Variants in VAPB observed in about 807,000 individuals in gnomAD.
VAPB encodes the protein VAMP associated protein B and C, also known as vesicle-associated membrane protein-associated protein B/C.
A neutral mutation model predicts 25.6 loss-of-function variants in VAPB; 7 were observed. The ratio of observed to expected loss-of-function variants is 0.27; its 90% CI spans 0.16 to 0.51. VAPB has a LOEUF of 0.51. Ranked by LOEUF, VAPB falls within the 20% of genes least tolerant of loss-of-function variation. The pLI, the probability that VAPB is intolerant of heterozygous loss-of-function variation, is 0.97. For synonymous variants in VAPB, 112 were observed against 109.2 expected (o/e 1.03, Z -0.16); for missense variants, 266 against 301.3 (o/e 0.88, Z 0.87).
At chr20:58,432,613 A>C (rs145745287) in intron 2 of VAPB, among the ~76,000 whole-genome samples, 16 of 152,364 alleles carry the variant, frequency 1.1e-4, no homozygotes, top group African/African-American at 3.8e-4. Context: ...TCCCAGCTCC[A>C]AAGAAGGTTG....
chr20:58,416,991 G>C (rs1047628062), intron 1 of VAPB, among the ~76,000 whole-genome samples: 26 of 152,156 alleles, frequency 1.7e-4, no homozygotes, highest in Admixed American at 1.6e-3. Flanking sequence ...ACACACATTT[G>C]AATGATTTTG....
chr20:58,436,174 A>G (rs1230165494), intron 3 of VAPB, among the ~76,000 whole-genome samples: 1 of 152,126 alleles, frequency 6.6e-6, no homozygotes, highest in Non-Finnish European at 1.5e-5. Context: ...AGTTCCTTGT[A>G]TGATGATATA....
At chr20:58,414,372 C>A (rs939174613) in intron 1 of VAPB, among the ~76,000 whole-genome samples, 1 of 151,358 alleles carries the variant, frequency 6.6e-6, no homozygotes, top group African/African-American at 2.4e-5. Context: ...GGCGGAGACG[C>A]CCCCCACCTC....
chr20:58,437,941 C>T (rs1989084255), intron 3 of VAPB, among the ~76,000 whole-genome samples: 1 of 152,140 alleles, frequency 6.6e-6, no homozygotes, highest in Non-Finnish European at 1.5e-5. Context: ...GTGGGGGTGC[C>T]TTCTTTTTCT....
rs1345920201 is a variant in VAPB at position 58,451,013 on chromosome 20, G to A, written c.*6778G>A. On this transcript the variant is annotated 3_prime_UTR_variant, in exon 6 of 6. Coordinates refer to ENST00000475243, the MANE Select transcript of VAPB (RefSeq NM_004738.5). ...TTCTCCCATGTTCCATTATCAGCCT[G>A]ATGAAACCTGCCCTGCCAAGGCATA... 5 of 451,590 alleles carry A rather than the reference G, an allele frequency of 1.1e-5. No individual in the cohort carries two copies. The highest frequency in any genetic ancestry group is 7.8e-5 in the South Asian group (5 of 64,122). 28.0% of individuals were successfully genotyped at this position (451,590 alleles called of 1,614,324 possible). A position where few individuals can be genotyped will look rare whatever the true frequency, so the allele number is the denominator to read the frequency against.
chr20:58,408,746 T>C (rs771866025), intron 1 of VAPB, among the ~76,000 whole-genome samples: 2 of 152,148 alleles, frequency 1.3e-5, no homozygotes, highest in Non-Finnish European at 2.9e-5. Flanking sequence ...ATCCGGGTTT[T>C]GAAGTAGGTG....
At position 58,398,014 on chromosome 20, in the gene VAPB, G is replaced by GAGTTA. The variant is rs1227539015; in HGVS notation, c.58+8498_58+8502dup. 1.7e-4 allele frequency among the ~76,000 whole-genome samples: 26 copies of GAGTTA among 152,290 alleles called. 1 individual carries two copies. The highest frequency in any genetic ancestry group is 1.6e-3 in the Admixed American group (25 of 15,300). ...TACAGATGTTCCTCACCTTACAGCG[G>GAGTTA]AGTTACATCCTCAGAAACCCATTGT... On this transcript the variant is annotated intron_variant, in intron 1 of 5. Coordinates refer to ENST00000475243, the MANE Select transcript of VAPB (RefSeq NM_004738.5).
At chr20:58,434,542 A>T (rs1403068398) in intron 2 of VAPB, 60 bp from the exon 3 acceptor site, 1 of 852,594 alleles carries the variant, frequency 1.2e-6, no homozygotes, top group Admixed American at 1.7e-5. Context: ...AAGTATTAGC[A>T]TAATAAATGG....
intron 2 of VAPB, among the ~76,000 whole-genome samples, chr20:58,427,945 ATTATGATGCAGGCG>A (rs1988842305): frequency 2.7e-5 from 4 of 149,076 alleles, no homozygotes; most frequent in Non-Finnish European, 4.5e-5. Flanking sequence ...ATCTGTTACC[ATTATGATGCAGGCG>A]AAAGTGATCT....
At chr20:58,418,546 C>T (rs1370220507) in intron 2 of VAPB, among the ~76,000 whole-genome samples, 183 bp downstream of exon 2, 3 of 147,134 alleles carry the variant, frequency 2.0e-5, no homozygotes, top group Non-Finnish European at 3.0e-5. Context: ...GGGTCCCAGT[C>T]GCCTGTTTTT....
chr20:58,423,926 C>G (rs984057004), intron 2 of VAPB, among the ~76,000 whole-genome samples: 1 of 152,094 alleles, frequency 6.6e-6, no homozygotes, highest in Admixed American at 6.5e-5. Flanking sequence ...AGAAAATTAC[C>G]AACAAAAATT....
At chr20:58,405,135 G>C (rs940919980) in intron 1 of VAPB, among the ~76,000 whole-genome samples, 2 of 152,240 alleles carry the variant, frequency 1.3e-5, no homozygotes, top group African/African-American at 4.8e-5. Flanking sequence ...AATTAGGGAA[G>C]GTCATTTAAG....
rs1989377680 is a variant in VAPB, at chr20:58,449,329, A to G, written c.*5094A>G. On this transcript the variant is annotated 3_prime_UTR_variant, in exon 6 of 6. Coordinates refer to ENST00000475243, the MANE Select transcript of VAPB (RefSeq NM_004738.5). Reference sequence around the variant, plus strand: ...GGGGCTTTTTATTTTCATTACAGAGATATTTTGAAAAATTTAAAAGACATG... The same window carrying G: ...GGGGCTTTTTATTTTCATTACAGAGGTATTTTGAAAAATTTAAAAGACATG... The G allele has an allele frequency of 2.2e-6, 1 of 449,900 alleles. No homozygotes were observed. Among genetic ancestry groups the G allele is most frequent in the Non-Finnish European group, 4.4e-6 (1 of 225,820 alleles). The allele number at this position is 449,900 out of a possible 1,614,324, so 27.9% of individuals were successfully genotyped here.
In VAPB at chr20:58,447,519, C is replaced by T. The variant is rs1437783734; in HGVS notation, c.*3284C>T. ...CCGTGAAAACCTAAACGCTTTCAAA[C>T]AAATCCCAGGAACAGAATTGCTATC... On this transcript the variant is annotated 3_prime_UTR_variant, in exon 6 of 6. Coordinates refer to ENST00000475243, the MANE Select transcript of VAPB (RefSeq NM_004738.5). 1 of 454,114 alleles carries T rather than the reference C, an allele frequency of 2.2e-6. No homozygotes were observed. The allele number at this position is 454,114 out of a possible 1,614,324, so 28.1% of individuals were successfully genotyped here.
intron 1 of VAPB, among the ~76,000 whole-genome samples, chr20:58,401,573 C>T (rs114219927): frequency 1.3e-3 from 199 of 152,208 alleles, no homozygotes; most frequent in African/African-American, 4.6e-3. Flanking sequence ...TTTCTTCCGC[C>T]CATGTGGCCA....
chr20:58,392,594 G>A (rs919299866), intron 1 of VAPB, among the ~76,000 whole-genome samples: 1 of 152,206 alleles, frequency 6.6e-6, no homozygotes, highest in Non-Finnish European at 1.5e-5. Flanking sequence ...ATGAGAAATG[G>A]CACATTTAAC....
Position 58,389,345 on chromosome 20 carries a change from GC to G in VAPB, c.-111del. ...CACCCGGTAGAGGACCCCCGCCCGTGCCCCGACCGGTCCCCGCCTTTTTGTA... is the reference window on the plus strand; with the variant it reads ...CACCCGGTAGAGGACCCCCGCCCGTGCCCGACCGGTCCCCGCCTTTTTGTA... On this transcript the variant is annotated 5_prime_UTR_variant, in exon 1 of 6. Transcript: ENST00000475243. 1 of 1,138,824 alleles carries G rather than the reference GC, an allele frequency of 8.8e-7. No homozygotes were observed. Among genetic ancestry groups the G allele is most frequent in the Non-Finnish European group, 1.3e-6 (1 of 794,104 alleles). 70.5% of individuals were successfully genotyped at this position (1,138,824 alleles called of 1,614,324 possible).
In VAPB at chr20:58,389,498, G is replaced by C; in HGVS notation, c.39G>C (p.Gln13His). ...AGCAGGTCCTGAGCCTCGAGCCGCA[G>C]CACGAGCTCAAATTCCGAGGTAAGC... ...KVEQVLSLEPQHELKFRGPFT... is the reference protein window; with the variant it reads ...KVEQVLSLEPHHELKFRGPFT... Residue 13 changes from glutamine to histidine, a missense_variant, in exon 1 of 6, where the codon CAG becomes CAC. Gln to His is a conservative substitution (Grantham distance 24). Around this residue, in one of 3 missense-constraint regions of VAPB, gnomAD observed 32 missense variants for 23.5 expected, o/e 1.36. Transcript: ENST00000475243. 6.3e-7 allele frequency: 1 copy of C among 1,593,446 alleles called. No individual in the cohort carries two copies. The highest frequency in any genetic ancestry group is 8.5e-7 in the Non-Finnish European group (1 of 1,170,972).
intron 1 of VAPB, among the ~76,000 whole-genome samples, chr20:58,416,784 AG>A: frequency 6.6e-6 from 1 of 150,454 alleles, no homozygotes; most frequent in East Asian, 2.0e-4. Flanking sequence ...CCATGCCCGG[AG>A]CACCTCAAGA....
Sources: allele counts gnomAD v4.1 joint callset (sites outside exome capture counted in the v4.1 genomes callset), GRCh38; gene constraint gnomAD v4.1.1; regional missense constraint gnomAD v4.1.1; transcripts MANE v1.5; gene names NCBI Gene and HGNC (gene_info 2026-07-23, HGNC 2026-07-21).